The following SNTB1 variants were observed in gnomAD, a reference collection of about 807,000 sequenced individuals.
SNTB1 encodes the protein beta-1-syntrophin.
A neutral mutation model predicts 48.9 loss-of-function variants in SNTB1; 36 were observed. The ratio of observed to expected loss-of-function variants is 0.74; its 90% CI spans 0.56 to 0.97. SNTB1 has a LOEUF of 0.97. SNTB1 is among the 50% of genes least tolerant of loss of function. The probability of loss-of-function intolerance (pLI) is 0.00; values close to 1 mark genes in which losing one functional copy is unlikely to be tolerated. For synonymous variants in SNTB1, 299 were observed against 294.6 expected (o/e 1.01, Z -0.15); for missense variants, 786 against 703.4 (o/e 1.12, Z -1.33).
intron 1 of SNTB1, among the ~76,000 whole-genome samples, chr8:120,749,431 G>A (rs922413660): frequency 6.6e-6 from 1 of 152,070 alleles, no homozygotes; most frequent in African/African-American, 2.4e-5. Context: ...ATTTTAAGGA[G>A]GCTACTTAAA....
intron 2 of SNTB1, among the ~76,000 whole-genome samples, chr8:120,649,212 A>T (rs1817359842): frequency 1.3e-5 from 2 of 151,612 alleles, no homozygotes; most frequent in Admixed American, 1.3e-4. Context: ...GCTGGTGAGG[A>T]ACTGCGTTCC....
chr8:120,616,555 GA>G (rs1408635759), intron 3 of SNTB1, among the ~76,000 whole-genome samples: 2 of 150,172 alleles, frequency 1.3e-5, no homozygotes, highest in Non-Finnish European at 2.9e-5. Context: ...GGCCTCAAGT[GA>G]CCCTCTCAAC....
At chr8:120,571,478 GGTTTTTTTTTTTT>G in intron 4 of SNTB1, 32 of 242,916 alleles carry the variant, frequency 1.3e-4, no homozygotes, top group South Asian at 4.6e-4. Context: ...GACTATTGAG[GGTTTTTTTTTTTT>G]TTTTTTTTTT....
chr8:120,544,734 C>T lies in SNTB1; in HGVS notation c.1334-2734G>A, dbSNP rs1406207624. ...ACTTCTCTGTTATTACACATGTAAC[C>T]TTATTAAACTTAGTATTCAGGTGGC... On this transcript the variant is annotated intron_variant, in intron 5 of 6. Coordinates refer to ENST00000517992, the MANE Select transcript of SNTB1 (RefSeq NM_021021.4). 2.5e-4 allele frequency among the ~76,000 whole-genome samples: 38 copies of T among 150,706 alleles called. 1 individual carries two copies. The highest frequency in any genetic ancestry group is 2.5e-3 in the Admixed American group (38 of 15,082).
intron 2 of SNTB1, among the ~76,000 whole-genome samples, chr8:120,665,269 T>C (rs1225673312): frequency 1.3e-5 from 2 of 152,026 alleles, no homozygotes; most frequent in South Asian, 4.1e-4. Context: ...CTGGCCAACA[T>C]AGTGAAACCC....
At chr8:120,554,555 C>T (rs1454251573) in intron 4 of SNTB1, among the ~76,000 whole-genome samples, 1 of 152,148 alleles carries the variant, frequency 6.6e-6, no homozygotes, top group African/African-American at 2.4e-5. Flanking sequence ...TTTAATGAAA[C>T]CACCACCACT....
chr8:120,721,422 T>A (rs1563580086), intron 1 of SNTB1, among the ~76,000 whole-genome samples: 1 of 152,190 alleles, frequency 6.6e-6, no homozygotes, highest in Non-Finnish European at 1.5e-5. Flanking sequence ...TACAAATACC[T>A]GTGTGGACCA....
chr8:120,685,364 T>A (rs2129834207), intron 2 of SNTB1, among the ~76,000 whole-genome samples: 1 of 152,328 alleles, frequency 6.6e-6, no homozygotes, highest in Non-Finnish European at 1.5e-5. Flanking sequence ...TAGGTGGAGA[T>A]AGCCATGTCC....
chr8:120,590,310 G>A (rs956638715), intron 3 of SNTB1, among the ~76,000 whole-genome samples: 1 of 152,192 alleles, frequency 6.6e-6, no homozygotes, highest in African/African-American at 2.4e-5. Flanking sequence ...TGGCCAACAT[G>A]CTCCTTGCTG....
intron 4 of SNTB1, among the ~76,000 whole-genome samples, chr8:120,554,696 C>T (rs1233049907): frequency 6.6e-6 from 1 of 152,160 alleles, no homozygotes; most frequent in African/African-American, 2.4e-5. Context: ...GAGTCTAACA[C>T]CTAATGCCCG....
intron 3 of SNTB1, among the ~76,000 whole-genome samples, chr8:120,618,503 C>A (rs559557897): frequency 1.3e-5 from 2 of 152,178 alleles, no homozygotes; most frequent in African/African-American, 4.8e-5. Context: ...AGTCCCACTA[C>A]TTTCACTTGC....
chr8:120,572,358 C>T (rs186532530), intron 4 of SNTB1, among the ~76,000 whole-genome samples: 8 of 152,172 alleles, frequency 5.3e-5, no homozygotes, highest in Non-Finnish European at 1.2e-4. Context: ...TATTGCCAGG[C>T]ACTGTGCCAG....
chr8:120,781,595 G>C (rs1307142233), intron 1 of SNTB1, among the ~76,000 whole-genome samples: 2 of 152,188 alleles, frequency 1.3e-5, no homozygotes, highest in African/African-American at 2.4e-5. Context: ...CAAGGCCATG[G>C]AGCATAGAGT....
chr8:120,644,919 A>G (rs1365196196), intron 2 of SNTB1, among the ~76,000 whole-genome samples: 1 of 151,638 alleles, frequency 6.6e-6, no homozygotes, highest in Admixed American at 6.6e-5. Context: ...GCCAGTGATG[A>G]TGAGCATTTT....
At chr8:120,791,766 C>T (rs1820040572) in intron 1 of SNTB1, among the ~76,000 whole-genome samples, 1 of 151,892 alleles carries the variant, frequency 6.6e-6, no homozygotes, top group Non-Finnish European at 1.5e-5. Context: ...TTACCCCAAT[C>T]AGAATAAACA....
chr8:120,654,878 C>A (rs143023019), intron 2 of SNTB1: 134 of 420,862 alleles, frequency 3.2e-4, no homozygotes, highest in Non-Finnish European at 4.8e-4. Flanking sequence ...TTTCAAGTGA[C>A]CTTTCCCCTC....
At chr8:120,788,206 C>T (rs1376686157) in intron 1 of SNTB1, among the ~76,000 whole-genome samples, 2 of 151,912 alleles carry the variant, frequency 1.3e-5, no homozygotes, top group East Asian at 3.9e-4. Context: ...CTAGACCAGC[C>T]CTACAAGAAA....
intron 2 of SNTB1, among the ~76,000 whole-genome samples, chr8:120,665,118 T>C (rs1020406078): frequency 6.6e-5 from 10 of 152,216 alleles, no homozygotes; most frequent in Non-Finnish European, 1.3e-4. Flanking sequence ...AAAAATTGCA[T>C]TGATTGCCTT....
chr8:120,670,135 G>T (rs1204524240), intron 2 of SNTB1, among the ~76,000 whole-genome samples: 1 of 152,146 alleles, frequency 6.6e-6, no homozygotes, highest in Non-Finnish European at 1.5e-5. Context: ...TGTGCTTTAG[G>T]ACACAAACGA....
Sources: allele counts gnomAD v4.1 joint callset (sites outside exome capture counted in the v4.1 genomes callset), GRCh38; gene constraint gnomAD v4.1.1; transcripts MANE v1.5; gene names NCBI Gene and HGNC (gene_info 2026-07-23, HGNC 2026-07-21).